Variants in NRG3 observed in about 807,000 individuals in gnomAD.
NRG3 encodes the protein pro-neuregulin-3, membrane-bound isoform.
Under a neutral mutation model 66.9 loss-of-function variants are expected in NRG3, and 31 were observed. That is an observed-to-expected ratio of 0.46 (90% CI 0.35 to 0.63). The LOEUF (loss-of-function observed/expected upper bound fraction) is 0.63, where lower values mean the gene tolerates loss of function less well. Among genes scored for constraint, NRG3 ranks in the 20% least tolerant of loss-of-function variants. The pLI, the probability that NRG3 is intolerant of heterozygous loss-of-function variation, is 0.00. For synonymous variants in NRG3, 393 were observed against 359.4 expected (o/e 1.09, Z -1.06); for missense variants, 910 against 878.9 (o/e 1.04, Z -0.45).
intron 2 of NRG3, among the ~76,000 whole-genome samples, chr10:82,677,059 TCTC>T (rs796401536): frequency 7.2e-4 from 106 of 147,124 alleles, no homozygotes; most frequent in African/African-American, 2.6e-3. Flanking sequence ...TCTCTCTCTC[TCTC>T]TTTTTTTTTT....
intron 2 of NRG3, among the ~76,000 whole-genome samples, chr10:82,681,211 C>A (rs76330325): frequency 0.024 from 3,723 of 152,170 alleles, 181 homozygotes; most frequent in African/African-American, 0.085. Flanking sequence ...AGCAAAATTG[C>A]CTTATTTGAA....
At position 82,985,759 on chromosome 10, in the gene NRG3, TA is replaced by T. The variant is rs1853390223; in HGVS notation, c.*155del. On this transcript the variant is annotated 3_prime_UTR_variant, in exon 9 of 9. Coordinates refer to ENST00000372141, the MANE Select transcript of NRG3 (RefSeq NM_001010848.4). Reference sequence around the variant, plus strand: ...CATATCATAGTGTTTTTTAACAAAATATTTTTTTAAGGGAAAGAAATGTTTC... The same window carrying T: ...CATATCATAGTGTTTTTTAACAAAATTTTTTTTAAGGGAAAGAAATGTTTC... The T allele has an allele frequency of 3.6e-6, 3 of 826,466 alleles. No individual in the cohort carries two copies. Among genetic ancestry groups the T allele is most frequent in the Middle Eastern group, 2.5e-4 (1 of 4,008 alleles). The allele number at this position is 826,466 out of a possible 1,614,324, so 51.2% of individuals were successfully genotyped here.
chr10:82,794,510 T>G (rs1465512716), intron 3 of NRG3, among the ~76,000 whole-genome samples: 1 of 152,160 alleles, frequency 6.6e-6, no homozygotes, highest in African/African-American at 2.4e-5. Context: ...AATAAAAGCC[T>G]AATCTGCTCA....
chr10:82,741,253 T>C (rs1040883312), intron 3 of NRG3, among the ~76,000 whole-genome samples: 12 of 152,100 alleles, frequency 7.9e-5, no homozygotes, highest in Non-Finnish European at 1.2e-4. Context: ...GCTCTGTTAA[T>C]ACAAAAGTGT....
intron 1 of NRG3, among the ~76,000 whole-genome samples, chr10:82,160,014 C>T (rs1423662044): frequency 6.6e-6 from 1 of 151,856 alleles, no homozygotes; most frequent in African/African-American, 2.4e-5. Context: ...CTCAAGGATC[C>T]TATAAGAGTT....
chr10:82,790,203 A>G (rs926684899), intron 3 of NRG3, among the ~76,000 whole-genome samples: 2 of 152,072 alleles, frequency 1.3e-5, no homozygotes, highest in African/African-American at 4.8e-5. Flanking sequence ...CTTCATGTGA[A>G]CTTAGGGTAC....
In NRG3 at chr10:82,148,176, C is replaced by A. The variant is rs115056908; in HGVS notation, c.824-210563C>A. On this transcript the variant is annotated intron_variant, in intron 1 of 8. Coordinates refer to ENST00000372141, the MANE Select transcript of NRG3 (RefSeq NM_001010848.4). ...TCCTAGAATTGTTGAACATTCTAAT[C>A]AAAAACTTCTTTGAGTCAATCCAGT... Among the ~76,000 whole-genome samples the A allele has an allele frequency of 3.0e-3, 452 of 152,128 alleles. 5 individuals are homozygous for A. The highest frequency in any genetic ancestry group is 0.01 in the African/African-American group (431 of 41,496).
At chr10:82,967,518 C>T (rs1393936602) in intron 6 of NRG3, among the ~76,000 whole-genome samples, 4 of 152,198 alleles carry the variant, frequency 2.6e-5, no homozygotes, top group Non-Finnish European at 5.9e-5. Context: ...CACTGTTCAA[C>T]TTTAATGGCT....
At chr10:82,949,127 C>T (rs1269362687) in intron 4 of NRG3, among the ~76,000 whole-genome samples, 1 of 151,770 alleles carries the variant, frequency 6.6e-6, no homozygotes, top group Non-Finnish European at 1.5e-5. Flanking sequence ...TATGTTTTTG[C>T]CTCTGATCTA....
Position 82,985,996 on chromosome 10 carries a change from G to C in NRG3, c.*391G>C, listed in dbSNP as rs1853409013. 1.2e-5 allele frequency: 2 copies of C among 171,026 alleles called. No individual in the cohort carries two copies. The highest frequency in any genetic ancestry group is 1.1e-4 in the Admixed American group (2 of 17,716). The allele number at this position is 171,026 out of a possible 1,614,324, so 10.6% of individuals were successfully genotyped here. A position where few individuals can be genotyped will look rare whatever the true frequency, so the allele number is the denominator to read the frequency against. On this transcript the variant is annotated 3_prime_UTR_variant, in exon 9 of 9. Coordinates refer to ENST00000372141, the MANE Select transcript of NRG3 (RefSeq NM_001010848.4). ...CCGCAGGTGGATGCACCAGTGAGCA[G>C]GTGGCTCTTGCCATTTGGCTTGCCA...
At chr10:82,758,554 T>G (rs1331522119) in intron 3 of NRG3, among the ~76,000 whole-genome samples, 1 of 152,146 alleles carries the variant, frequency 6.6e-6, no homozygotes, top group Non-Finnish European at 1.5e-5. Flanking sequence ...CCCTGTTTAT[T>G]GTCACCGAAT....
At chr10:82,203,301 G>A (rs570925330) in intron 1 of NRG3, among the ~76,000 whole-genome samples, 42 of 152,252 alleles carry the variant, frequency 2.8e-4, no homozygotes, top group Non-Finnish European at 5.0e-4. Context: ...CATGTAAATG[G>A]ACAGTAGGCT....
Position 82,262,259 on chromosome 10 carries a change from A to G in NRG3, c.824-96480A>G, listed in dbSNP as rs77455196. 8.1e-3 allele frequency among the ~76,000 whole-genome samples: 1,238 copies of G among 152,308 alleles called. 17 individuals are homozygous for G. The highest frequency in any genetic ancestry group is 0.029 in the African/African-American group (1,189 of 41,564). On this transcript the variant is annotated intron_variant, in intron 1 of 8. Transcript: ENST00000372141. ...GAAGGAATAACATAAATTGTGTCAC[A>G]GACAAGGATTGGTTGGTAGGACACG...
At chr10:82,495,420 T>C (rs995840927) in intron 2 of NRG3, among the ~76,000 whole-genome samples, 3 of 152,090 alleles carry the variant, frequency 2.0e-5, no homozygotes, top group African/African-American at 4.8e-5. Flanking sequence ...TTTTTCCTAC[T>C]TGATTTTTTT....
chr10:82,397,188 G>A (rs1420923100), intron 2 of NRG3, among the ~76,000 whole-genome samples: 3 of 152,126 alleles, frequency 2.0e-5, no homozygotes, highest in Non-Finnish European at 4.4e-5. Flanking sequence ...CAGGGTGTCT[G>A]TTCTCTTCTT....
chr10:82,120,691 C>A (rs901493077), intron 1 of NRG3, among the ~76,000 whole-genome samples: 1 of 152,016 alleles, frequency 6.6e-6, no homozygotes, highest in Non-Finnish European at 1.5e-5. Context: ...TTTTGAGGGA[C>A]CAAATTGCAC....
intron 2 of NRG3, among the ~76,000 whole-genome samples, chr10:82,687,914 T>C (rs2054632281): frequency 6.6e-6 from 1 of 152,184 alleles, no homozygotes; most frequent in South Asian, 2.1e-4. Context: ...TGATTTCTCC[T>C]GCCATTCTAG....
At chr10:82,159,579 T>C (rs1035075552) in intron 1 of NRG3, among the ~76,000 whole-genome samples, 8 of 151,902 alleles carry the variant, frequency 5.3e-5, no homozygotes, top group Non-Finnish European at 8.8e-5. Context: ...TAGTTCTTTA[T>C]ACAGAATATT....
At chr10:82,747,355 A>G (rs919446937) in intron 3 of NRG3, among the ~76,000 whole-genome samples, 11 of 152,084 alleles carry the variant, frequency 7.2e-5, no homozygotes, top group Non-Finnish European at 2.9e-5. Context: ...ATTATGCGTA[A>G]GTCTCTGTAC....
Sources: gnomAD v4.1 joint callset for allele counts (sites outside exome capture counted in the v4.1 genomes callset) on GRCh38, gnomAD v4.1.1 for gene constraint, MANE v1.5 for transcripts, NCBI Gene and HGNC (gene_info 2026-07-23, HGNC 2026-07-21) for gene names.